The following LYPD6B variants were observed in gnomAD, a reference collection of about 807,000 sequenced individuals.
LYPD6B encodes the protein ly6/PLAUR domain-containing protein 6B.
In LYPD6B, 17 loss-of-function variants were observed where a neutral mutation model predicts 22.8. The ratio of observed to expected loss-of-function variants is 0.75; its 90% CI spans 0.51 to 1.12. The LOEUF is 1.12. LYPD6B is among the 50% of genes most tolerant of loss of function. The pLI is 0.00. For missense variants in LYPD6B, 221 were observed against 258.3 expected (o/e 0.86, Z 0.99); for synonymous variants, 106 against 91.6 (o/e 1.16, Z -0.90).
chr2:149,059,482 G>A (rs752142564), intron 1 of LYPD6B, among the ~76,000 whole-genome samples: 23 of 152,236 alleles, frequency 1.5e-4, no homozygotes, highest in Non-Finnish European at 2.4e-4. Flanking sequence ...GATTCCAACT[G>A]AAGAATATAT....
intron 3 of LYPD6B, among the ~76,000 whole-genome samples, chr2:149,181,148 T>A (rs1691688727): frequency 6.6e-6 from 1 of 152,122 alleles, no homozygotes; most frequent in Admixed American, 6.5e-5. Context: ...CCTTCATCTG[T>A]TGGAACTCCA....
At chr2:149,206,807 C>G (rs1464768999) in intron 4 of LYPD6B, among the ~76,000 whole-genome samples, 1 of 151,822 alleles carries the variant, frequency 6.6e-6, no homozygotes, top group Non-Finnish European at 1.5e-5. Context: ...CAGTTTTTCC[C>G]TCTTTATACA....
At chr2:149,157,718 C>T (rs1689799898) in intron 2 of LYPD6B, among the ~76,000 whole-genome samples, 1 of 152,200 alleles carries the variant, frequency 6.6e-6, no homozygotes, top group South Asian at 2.1e-4. Context: ...AGCCTCTCCC[C>T]TTTTCTTTCA....
intron 3 of LYPD6B, among the ~76,000 whole-genome samples, chr2:149,179,297 CA>C (rs1370868406): frequency 6.6e-6 from 1 of 152,210 alleles, no homozygotes; most frequent in Non-Finnish European, 1.5e-5. Flanking sequence ...ACGGCACACA[CA>C]GTGTTTTAAC....
At chr2:149,159,876 T>C (rs1030171556) in intron 2 of LYPD6B, among the ~76,000 whole-genome samples, 2 of 152,168 alleles carry the variant, frequency 1.3e-5, no homozygotes, top group Non-Finnish European at 2.9e-5. Context: ...GGTAATTTGC[T>C]TTATTCAAAA....
At chr2:149,080,440 A>G (rs1164932796) in intron 1 of LYPD6B, among the ~76,000 whole-genome samples, 3 of 152,212 alleles carry the variant, frequency 2.0e-5, no homozygotes, top group Non-Finnish European at 2.9e-5. Context: ...TGGGGGGAGC[A>G]CAATTTAATC....
chr2:149,151,418 G>T (rs34210632), intron 2 of LYPD6B, among the ~76,000 whole-genome samples: 41,316 of 152,094 alleles, frequency 0.27, 7,109 homozygotes, highest in East Asian at 0.55. Context: ...TTTGCCTGAT[G>T]CTTTCAAGTC....
chr2:149,203,347 T>G (rs1403718619), intron 3 of LYPD6B, among the ~76,000 whole-genome samples: 2 of 152,136 alleles, frequency 1.3e-5, no homozygotes, highest in African/African-American at 4.8e-5. Flanking sequence ...TGGAACATAG[T>G]CCTTCTGAGA....
chr2:149,076,313 T>TA (rs1365924937), intron 1 of LYPD6B, among the ~76,000 whole-genome samples: 2 of 152,202 alleles, frequency 1.3e-5, no homozygotes, highest in Non-Finnish European at 2.9e-5. Context: ...ACCTTATTTT[T>TA]ATACATTTTG....
At chr2:149,108,107 C>CT (rs1686566952) in intron 1 of LYPD6B, among the ~76,000 whole-genome samples, 1 of 152,108 alleles carries the variant, frequency 6.6e-6, no homozygotes, top group Non-Finnish European at 1.5e-5. Flanking sequence ...CTGTGCTGTT[C>CT]TCTTGATAGT....
intron 2 of LYPD6B, among the ~76,000 whole-genome samples, chr2:149,147,339 T>G (rs1409045024): frequency 6.6e-6 from 1 of 152,214 alleles, no homozygotes; most frequent in Non-Finnish European, 1.5e-5. Context: ...AAGTCATTAA[T>G]CCAGAGGAGG....
chr2:149,173,101 G>A lies in LYPD6B; in HGVS notation c.77+12266G>A, dbSNP rs140214848. 1.1e-3 allele frequency among the ~76,000 whole-genome samples: 165 copies of A among 151,408 alleles called. No homozygotes were observed. The Middle Eastern group carries it at 0.021, about 19-fold the overall frequency. On this transcript the variant is annotated intron_variant, in intron 3 of 6. Transcript: ENST00000409642. ...CTGGAAAAACCTGACTAATACAATCGTGAAGAAGAATTTTGTTTGATTCAG... is the reference window on the plus strand; with the variant it reads ...CTGGAAAAACCTGACTAATACAATCATGAAGAAGAATTTTGTTTGATTCAG...
intron 3 of LYPD6B, among the ~76,000 whole-genome samples, chr2:149,188,221 C>G (rs1446020952): frequency 9.6e-6 from 1 of 103,648 alleles, no homozygotes; most frequent in East Asian, 4.5e-4. Context: ...CTCTCATTTA[C>G]TTCTAGATCA....
rs1684463003 is a variant in LYPD6B at position 149,068,866 on chromosome 2, C to T, written c.-67+30065C>T. The T allele has an allele frequency of 2.7e-5, 9 of 331,038 alleles. 1 individual carries two copies. The South Asian group carries it at 2.8e-4, about 10-fold the overall frequency. 20.5% of individuals were successfully genotyped at this position (331,038 alleles called of 1,614,324 possible). ...CTCCAGGTTTATCGCCTGCAGCCTC[C>T]AAGGCTTCCTGAAAAGCAAACTTCT... On this transcript the variant is annotated intron_variant, in intron 1 of 6. Coordinates refer to ENST00000409642, the MANE Select transcript of LYPD6B (RefSeq NM_177964.5).
chr2:149,175,072 T>G (rs13034166), intron 3 of LYPD6B, among the ~76,000 whole-genome samples: 1 of 151,184 alleles, frequency 6.6e-6, no homozygotes, highest in African/African-American at 2.4e-5. Context: ...TGTGTGTGTG[T>G]GTGTGTGTGT....
At chr2:149,119,080 T>G (rs1294640622) in intron 1 of LYPD6B, 2 of 152,226 alleles carry the variant, frequency 1.3e-5, no homozygotes, top group Non-Finnish European at 2.9e-5. Context: ...TCATGTATAA[T>G]TCCTTTATTT....
chr2:149,181,909 A>C (rs1691754157), intron 3 of LYPD6B, among the ~76,000 whole-genome samples: 1 of 152,182 alleles, frequency 6.6e-6, no homozygotes, highest in South Asian at 2.1e-4. Flanking sequence ...CATGGCAAGG[A>C]AAAGGCAGCA....
rs78084583 is a variant in LYPD6B, at chr2:149,090,994, C to T, written c.-66-39889C>T. 4.6e-5 allele frequency among the ~76,000 whole-genome samples: 7 copies of T among 152,190 alleles called. No homozygotes were observed. The East Asian group carries it at 7.7e-4, about 17-fold the overall frequency. The stretch of plus-strand genomic sequence containing the variant: ...GTCCATTCAAATTATTCTGAAAATA[C>T]GTGAGTGCCCTGCATTAAAAACAAT... On this transcript the variant is annotated intron_variant, in intron 1 of 6. Transcript: ENST00000409642.
chr2:149,090,546 C>T (rs1221759823), intron 1 of LYPD6B, among the ~76,000 whole-genome samples: 5 of 152,024 alleles, frequency 3.3e-5, no homozygotes, highest in Non-Finnish European at 7.4e-5. Context: ...GCCTGTTCCT[C>T]CAGGATTGTT....
Sources: allele counts gnomAD v4.1 joint callset (sites outside exome capture counted in the v4.1 genomes callset), GRCh38; gene constraint gnomAD v4.1.1; transcripts MANE v1.5; gene names NCBI Gene and HGNC (gene_info 2026-07-23, HGNC 2026-07-21).